CTNNA3: variants seen among roughly 807,000 people sequenced by gnomAD.
CTNNA3 encodes the protein catenin alpha-3.
In CTNNA3, 76 loss-of-function variants were observed where a neutral mutation model predicts 95.7. That is an observed-to-expected ratio of 0.79 (90% CI 0.66 to 0.96). The LOEUF is 0.96. Ranked by LOEUF, CTNNA3 falls within the 40% of genes least tolerant of loss-of-function variation. The pLI is 0.00. For synonymous variants in CTNNA3, 431 were observed against 374.4 expected (o/e 1.15, Z -1.74); for missense variants, 1,191 against 1,089.8 (o/e 1.09, Z -1.31).
chr10:66,647,226 G>A (rs1845737285), intron 9 of CTNNA3, among the ~76,000 whole-genome samples: 1 of 152,120 alleles, frequency 6.6e-6, no homozygotes, highest in Non-Finnish European at 1.5e-5. Context: ...GAGAGTCAAA[G>A]TATATATCAT....
At chr10:67,680,431 A>C (rs1277034747) in intron 1 of CTNNA3, among the ~76,000 whole-genome samples, 1 of 152,220 alleles carries the variant, frequency 6.6e-6, no homozygotes, top group Non-Finnish European at 1.5e-5. Context: ...CCAATCAATC[A>C]TGGCTTGGGT....
intron 5 of CTNNA3, among the ~76,000 whole-genome samples, chr10:67,233,547 C>A: frequency 1.5e-5 from 2 of 137,168 alleles, no homozygotes; most frequent in South Asian, 2.6e-4. Context: ...TAAATGCCCA[C>A]AAGAGAAAGC....
chr10:67,316,961 C>T (rs2620914), intron 5 of CTNNA3, among the ~76,000 whole-genome samples: 104,738 of 151,968 alleles, frequency 0.69, 41,025 homozygotes, highest in Non-Finnish European at 0.88. Context: ...AATTCCTTTC[C>T]GTAGCTGTCA....
chr10:66,504,952 ATT>A (rs756873737), intron 11 of CTNNA3, among the ~76,000 whole-genome samples: 2 of 152,182 alleles, frequency 1.3e-5, no homozygotes, highest in Non-Finnish European at 2.9e-5. Flanking sequence ...TTTAGAAACT[ATT>A]ATATTGTTAT....
intron 1 of CTNNA3, among the ~76,000 whole-genome samples, chr10:67,720,788 T>A (rs1470805864): frequency 6.6e-6 from 1 of 152,100 alleles, no homozygotes; most frequent in Non-Finnish European, 1.5e-5. Context: ...ACCCTGTCTC[T>A]ACTAAAAATA....
In CTNNA3 at chr10:66,942,085, C is replaced by T. The variant is rs182466640; in HGVS notation, c.1048-166561G>A. Among the ~76,000 whole-genome samples, 31 of 152,214 alleles carry T rather than the reference C, an allele frequency of 2.0e-4. No homozygotes were observed. The East Asian group carries it at 4.6e-3, about 23-fold the overall frequency. ...CCTCATCTGTAAAATGGGAACAATA[C>T]TTCATGTCCCAGCACAATTTTGAGG... On this transcript the variant is annotated intron_variant, in intron 7 of 17. Coordinates refer to ENST00000433211, the MANE Select transcript of CTNNA3 (RefSeq NM_013266.4).
At chr10:67,418,810 CGTATT>C (rs1384797597) in intron 5 of CTNNA3, among the ~76,000 whole-genome samples, 1 of 151,912 alleles carries the variant, frequency 6.6e-6, no homozygotes, top group African/African-American at 2.4e-5. Context: ...AGAATAACAA[CGTATT>C]GTATTTTTGG....
At chr10:67,187,861 T>C (rs1297814589) in intron 6 of CTNNA3, among the ~76,000 whole-genome samples, 1 of 152,138 alleles carries the variant, frequency 6.6e-6, no homozygotes, top group African/African-American at 2.4e-5. Flanking sequence ...GCTGGAATTA[T>C]AGGTGTAAGC....
At chr10:66,803,743 A>AC (rs1228309262) in intron 7 of CTNNA3, among the ~76,000 whole-genome samples, 2 of 152,106 alleles carry the variant, frequency 1.3e-5, no homozygotes, top group Admixed American at 6.6e-5. Flanking sequence ...AAGCTAGTGT[A>AC]CTGAATAAAG....
chr10:67,366,326 G>T (rs1347739877), intron 5 of CTNNA3, among the ~76,000 whole-genome samples: 1 of 151,866 alleles, frequency 6.6e-6, no homozygotes. Context: ...TCTGCATCTT[G>T]TGCACATGTA....
At chr10:66,463,406 G>C (rs569436067) in intron 11 of CTNNA3, among the ~76,000 whole-genome samples, 5 of 152,238 alleles carry the variant, frequency 3.3e-5, no homozygotes, top group African/African-American at 1.2e-4. Flanking sequence ...GCAGATATCA[G>C]TGCCATGCTT....
chr10:66,516,080 A>AAAAAG (rs1840846170), intron 11 of CTNNA3, among the ~76,000 whole-genome samples: 2 of 151,012 alleles, frequency 1.3e-5, no homozygotes, highest in Non-Finnish European at 3.0e-5. Context: ...AAAAAAAAAA[A>AAAAAG]GGTAACCCAT....
intron 15 of CTNNA3, among the ~76,000 whole-genome samples, chr10:66,043,598 G>GA (rs1174519589): frequency 6.6e-6 from 1 of 152,134 alleles, no homozygotes; most frequent in Non-Finnish European, 1.5e-5. Flanking sequence ...TATACGAAGA[G>GA]AAAAAATGGA....
chr10:66,351,007 A>G (rs916175720), intron 12 of CTNNA3, among the ~76,000 whole-genome samples: 4 of 152,046 alleles, frequency 2.6e-5, no homozygotes, highest in African/African-American at 9.7e-5. Context: ...AAATTAATAT[A>G]CTATATCAGA....
intron 9 of CTNNA3, among the ~76,000 whole-genome samples, chr10:66,753,432 G>A (rs1386511572): frequency 2.0e-5 from 3 of 152,092 alleles, no homozygotes; most frequent in African/African-American, 7.2e-5. Context: ...GGAGGCTGAA[G>A]TGGGCAGGTC....
intron 3 of CTNNA3, among the ~76,000 whole-genome samples, chr10:67,575,368 C>T (rs544737865): frequency 5.0e-4 from 71 of 141,642 alleles, no homozygotes; most frequent in African/African-American, 2.0e-3. Flanking sequence ...GGATTAGGCA[C>T]ACCATTTTAT....
intron 1 of CTNNA3, among the ~76,000 whole-genome samples, chr10:67,740,328 A>G (rs1841328451): frequency 6.6e-6 from 1 of 151,996 alleles, no homozygotes; most frequent in Non-Finnish European, 1.5e-5. Context: ...TAAACTCAAG[A>G]GCTTCTGCAC....
intron 15 of CTNNA3, among the ~76,000 whole-genome samples, chr10:66,021,111 C>T (rs1027222108): frequency 5.9e-5 from 9 of 152,092 alleles, no homozygotes; most frequent in African/African-American, 1.9e-4. Flanking sequence ...CTTTTGTAAA[C>T]GTCTGTGATC....
At chr10:66,418,524 C>A (rs1227428809) in intron 11 of CTNNA3, among the ~76,000 whole-genome samples, 1 of 148,518 alleles carries the variant, frequency 6.7e-6, no homozygotes, top group Non-Finnish European at 1.5e-5. Flanking sequence ...TTCTATAAAG[C>A]CGGTATCATT....
Sources: allele counts gnomAD v4.1 joint callset (sites outside exome capture counted in the v4.1 genomes callset), GRCh38; gene constraint gnomAD v4.1.1; transcripts MANE v1.5; gene names NCBI Gene and HGNC (gene_info 2026-07-23, HGNC 2026-07-21).